The following PCDHAC2 variants were observed in gnomAD, a reference collection of about 807,000 sequenced individuals.
The protein encoded by PCDHAC2 is protocadherin alpha-C2.
A neutral mutation model predicts 63.3 loss-of-function variants in PCDHAC2; 24 were observed. The observed-to-expected ratio is 0.38, with a 90% CI of 0.27 to 0.53. PCDHAC2 has a LOEUF of 0.53. Ranked by LOEUF, PCDHAC2 falls within the 20% of genes least tolerant of loss-of-function variation. PCDHAC2 has a pLI of 0.81. For missense variants in PCDHAC2, 1,181 were observed against 1,275.2 expected (o/e 0.93, Z 1.12); for synonymous variants, 569 against 529.4 (o/e 1.07, Z -1.03).
intron 3 of PCDHAC2, among the ~76,000 whole-genome samples, chr5:140,990,314 CCAAA>C (rs2097387288): frequency 6.6e-6 from 1 of 152,212 alleles, no homozygotes; most frequent in Non-Finnish European, 1.5e-5. Context: ...AAAAAACCAA[CCAAA>C]CAAACTTTAA....
chr5:140,999,995 A>G (rs1174530266), intron 3 of PCDHAC2, among the ~76,000 whole-genome samples: 1 of 152,068 alleles, frequency 6.6e-6, no homozygotes, highest in Non-Finnish European at 1.5e-5. Flanking sequence ...GGGTAGTGGT[A>G]TTAGATTGGC....
In PCDHAC2 at chr5:140,966,763, G is replaced by A. The variant is rs1020607410; in HGVS notation, c.-4G>A. 2.7e-6 allele frequency: 4 copies of A among 1,470,486 alleles called. No homozygotes were observed. The South Asian group carries it at 5.5e-5, about 20-fold the overall frequency. 91.1% of individuals were successfully genotyped at this position (1,470,486 alleles called of 1,614,324 possible). A position where few individuals can be genotyped will look rare whatever the true frequency, so the allele number is the denominator to read the frequency against. Reference sequence around the variant, plus strand: ...CCCGGCTGCCTCCGCCGCGGCCAGTGGCTATGGAGCAGGCGGGCACCAGAC... The same window carrying A: ...CCCGGCTGCCTCCGCCGCGGCCAGTAGCTATGGAGCAGGCGGGCACCAGAC... On this transcript the variant is annotated 5_prime_UTR_variant, in exon 1 of 4. Transcript: ENST00000289269.
At chr5:140,999,554 G>T (rs2097862771) in intron 3 of PCDHAC2, among the ~76,000 whole-genome samples, 1 of 152,158 alleles carries the variant, frequency 6.6e-6, no homozygotes, top group Non-Finnish European at 1.5e-5. Context: ...TGAAGAGGGG[G>T]TATTTTGAGA....
At chr5:140,977,351 AT>A (rs2096757742) in intron 1 of PCDHAC2, among the ~76,000 whole-genome samples, 1 of 152,348 alleles carries the variant, frequency 6.6e-6, no homozygotes, top group Non-Finnish European at 1.5e-5. Context: ...ATGATGACTG[AT>A]TGATAAAAAG....
At chr5:140,996,200 A>G (rs1338736394) in intron 3 of PCDHAC2, among the ~76,000 whole-genome samples, 1 of 152,236 alleles carries the variant, frequency 6.6e-6, no homozygotes, top group South Asian at 2.1e-4. Flanking sequence ...CCCTCAATGC[A>G]AGGATATCAC....
At chr5:141,006,678 T>C (rs1554260866) in intron 3 of PCDHAC2, among the ~76,000 whole-genome samples, 1 of 151,754 alleles carries the variant, frequency 6.6e-6, no homozygotes, top group Non-Finnish European at 1.5e-5. Flanking sequence ...GCAGTGAAAA[T>C]TGGGAGAAGA....
At position 140,968,288 on chromosome 5, in the gene PCDHAC2, C is replaced by A; in HGVS notation, c.1522C>A (p.Leu508Ile). 6.2e-7 allele frequency: 1 copy of A among 1,613,976 alleles called. No homozygotes were observed. The highest frequency in any genetic ancestry group is 8.5e-7 in the Non-Finnish European group (1 of 1,179,918). The part of the protein sequence containing the change: ...EKENAEVTYS[L>I]LEREIQGLPV... ...GGAGAATGCAGAGGTGACCTACTCC[C>A]TTCTGGAGAGGGAGATTCAAGGGCT... is the stretch of plus-strand genomic sequence containing the variant. The change falls in exon 1 of 4, where the codon CTT (leucine) becomes ATT (isoleucine). Residue 508 changes from leucine to isoleucine, a missense_variant. Leu to Ile is a conservative substitution (Grantham distance 5). Transcript: ENST00000289269.
chr5:140,987,214 A>G (rs78124050), intron 3 of PCDHAC2, among the ~76,000 whole-genome samples: 3 of 131,916 alleles, frequency 2.3e-5, no homozygotes, highest in Admixed American at 2.2e-4. Context: ...ACTCCATCTC[A>G]AAAAAAAAAA....
chr5:141,010,193 T>C lies in PCDHAC2; in HGVS notation c.*256T>C, dbSNP rs782116962. Reference sequence around the variant, plus strand: ...CCTAAAAAGCAGACCCAAGTTTCCTTTCTCCTCCGCCGCAAAGGAGAGGCT... The same window carrying C: ...CCTAAAAAGCAGACCCAAGTTTCCTCTCTCCTCCGCCGCAAAGGAGAGGCT... On this transcript the variant is annotated 3_prime_UTR_variant, in exon 4 of 4. Transcript: ENST00000289269. 7.7e-6 allele frequency: 12 copies of C among 1,552,398 alleles called. No individual in the cohort carries two copies. The South Asian group carries it at 1.3e-4, about 17-fold the overall frequency.
At position 141,009,666 on chromosome 5, in the gene PCDHAC2, G is replaced by T; in HGVS notation, c.2753G>T (p.Gly918Val). Residue 918 changes from glycine to valine, a missense_variant, in exon 4 of 4, where the codon GGT becomes GTT. Physicochemically the swap from Gly to Val is moderately radical, Grantham distance 109. This residue lies in a region of PCDHAC2 where 968 missense variants were observed against 1,073.5 expected (regional missense o/e 0.90). Coordinates refer to ENST00000289269, the MANE Select transcript of PCDHAC2 (RefSeq NM_018899.6). ...GAAGTGTCCCCTCCAGTCGGTGCGG[G>T]TGTCAACAGCAACAGCTGGACCTTT... ...AGEVSPPVGAGVNSNSWTFKY... is the reference protein window; with the variant it reads ...AGEVSPPVGAVVNSNSWTFKY... The T allele has an allele frequency of 1.2e-6, 2 of 1,614,080 alleles. No individual in the cohort carries two copies. The highest frequency in any genetic ancestry group is 1.7e-6 in the Non-Finnish European group (2 of 1,180,022).
At chr5:140,988,424 G>C (rs1563549055) in intron 3 of PCDHAC2, among the ~76,000 whole-genome samples, 1 of 152,158 alleles carries the variant, frequency 6.6e-6, no homozygotes, top group Non-Finnish European at 1.5e-5. Context: ...TAAAGAATTT[G>C]TTTGTTTTGG....
intron 3 of PCDHAC2, among the ~76,000 whole-genome samples, chr5:140,994,821 T>C (rs2097651680): frequency 6.6e-6 from 1 of 152,052 alleles, no homozygotes. Flanking sequence ...AAAAACTGAA[T>C]TGTGTAGTCT....
rs1554239929 is a variant in PCDHAC2 at position 140,978,939 on chromosome 5, G to A, written c.2566-10G>A. 1 of 1,613,986 alleles carries A rather than the reference G, an allele frequency of 6.2e-7. No individual in the cohort carries two copies. The highest frequency in any genetic ancestry group is 1.3e-5 in the African/African-American group (1 of 74,908). On this transcript the variant is annotated splice_polypyrimidine_tract_variant and intron_variant, in intron 1 of 3. Transcript: ENST00000289269. ...CATTTTAACAGAAAACTCTCTTTGTGATTTTGCAGCCACGACAGCCCAACC... is the reference window on the plus strand; with the variant it reads ...CATTTTAACAGAAAACTCTCTTTGTAATTTTGCAGCCACGACAGCCCAACC...
intron 3 of PCDHAC2, among the ~76,000 whole-genome samples, chr5:141,007,036 A>G (rs1018909399): frequency 4.6e-5 from 7 of 152,200 alleles, no homozygotes; most frequent in African/African-American, 1.4e-4. Context: ...ATTTATATCT[A>G]TGGATATGGC....
At chr5:141,004,186 C>T (rs1554259505) in intron 3 of PCDHAC2, among the ~76,000 whole-genome samples, 1 of 152,240 alleles carries the variant, frequency 6.6e-6, no homozygotes, top group Non-Finnish European at 1.5e-5. Flanking sequence ...CTTGAGTGCT[C>T]TTAACCAAAA....
rs782040791 is a variant in PCDHAC2 at position 140,967,249 on chromosome 5, G to A, written c.483G>A (p.Val161=). The A allele has an allele frequency of 6.2e-7, 1 of 1,613,592 alleles. No individual in the cohort carries two copies. Among genetic ancestry groups the A allele is most frequent in the Non-Finnish European group, 8.5e-7 (1 of 1,179,884 alleles). Residue 161 remains valine, a synonymous_variant, in exon 1 of 4, where the codon GTG becomes GTA. Transcript: ENST00000289269. ...ACCAGCTTCAGGTAAGCGAATCGGT[G>A]GCGCCTGGAGCGCGCTTTCACATAG... ...PNYQLQVSES[V]APGARFHIES... is the part of the protein sequence containing the mutation.
Position 140,966,485 on chromosome 5 carries a change from C to G in PCDHAC2, c.-282C>G, listed in dbSNP as rs564574047. 5.5e-4 allele frequency: 237 copies of G among 432,246 alleles called. 1 individual carries two copies. The highest frequency in any genetic ancestry group is 4.6e-3 in the African/African-American group (223 of 48,858). 26.8% of individuals were successfully genotyped at this position (432,246 alleles called of 1,614,324 possible). A position where few individuals can be genotyped will look rare whatever the true frequency, so the allele number is the denominator to read the frequency against. Reference sequence around the variant, plus strand: ...TCTTCCCTTCTGTTTCCTTTTCCCTCCCCCTGGAGCTGTAGCGGCAGCAGC... The same window carrying G: ...TCTTCCCTTCTGTTTCCTTTTCCCTGCCCCTGGAGCTGTAGCGGCAGCAGC... On this transcript the variant is annotated 5_prime_UTR_variant, in exon 1 of 4. Transcript: ENST00000289269.
intron 3 of PCDHAC2, among the ~76,000 whole-genome samples, chr5:140,993,758 T>C (rs1205942777): frequency 6.6e-6 from 1 of 152,226 alleles, no homozygotes; most frequent in Non-Finnish European, 1.5e-5. Flanking sequence ...GCCATTATAT[T>C]ACAATTGCGC....
In PCDHAC2 at chr5:141,010,428, A is replaced by G. The variant is rs2098417264; in HGVS notation, c.*491A>G. The G allele has an allele frequency of 9.2e-7, 1 of 1,087,372 alleles. No individual in the cohort carries two copies. Among genetic ancestry groups the G allele is most frequent in the East Asian group, 2.6e-5 (1 of 38,240 alleles). 67.4% of individuals were successfully genotyped at this position (1,087,372 alleles called of 1,614,324 possible). ...GACTAATTGGTACAAGGAAGGCAAG[A>G]AAACAAAGACAAATAAACAGCGGAA... On this transcript the variant is annotated 3_prime_UTR_variant, in exon 4 of 4. Transcript: ENST00000289269.
Sources: allele counts gnomAD v4.1 joint callset (sites outside exome capture counted in the v4.1 genomes callset), GRCh38; gene constraint gnomAD v4.1.1; regional missense constraint gnomAD v4.1.1; transcripts MANE v1.5; gene names NCBI Gene and HGNC (gene_info 2026-07-23, HGNC 2026-07-21).